The following CCDC13 variants were observed in gnomAD, a reference collection of about 807,000 sequenced individuals.
CCDC13 encodes coiled-coil domain-containing protein 13.
Under a neutral mutation model 87.3 loss-of-function variants are expected in CCDC13, and 70 were observed. The observed-to-expected ratio is 0.80, with a 90% CI of 0.66 to 0.98. CCDC13 has a LOEUF of 0.98. Ranked by LOEUF, CCDC13 falls within the 50% of genes least tolerant of loss-of-function variation. The pLI is 0.00. For missense variants in CCDC13, 842 were observed against 892.0 expected (o/e 0.94, Z 0.71); for synonymous variants, 317 against 360.3 (o/e 0.88, Z 1.36).
In CCDC13 at chr3:42,730,601, G is replaced by A. The variant is rs1415674377; in HGVS notation, c.1596-12C>T. 3 of 1,613,554 alleles carry A rather than the reference G, an allele frequency of 1.9e-6. No homozygotes were observed. In the Admixed American group the frequency reaches 5.0e-5, roughly 27 times the overall value. On this transcript the variant is annotated splice_polypyrimidine_tract_variant and intron_variant, in intron 12 of 15. Coordinates refer to ENST00000310232, the MANE Select transcript of CCDC13 (RefSeq NM_144719.4). ...GGGAGTCCGAGAACCTGGGACCAGG[G>A]TGGAGGGCAGAGGGCAGAGGTCATC... is the stretch of plus-strand genomic sequence containing the variant.
At chr3:42,745,878 T>G in intron 7 of CCDC13, 45 bp downstream of exon 7, 5 of 1,524,992 alleles carry the variant, frequency 3.3e-6, no homozygotes, top group Non-Finnish European at 4.5e-6. Flanking sequence ...CTGGGGTGTT[T>G]TAAATCCTTT....
intron 5 of CCDC13, among the ~76,000 whole-genome samples, chr3:42,750,386 A>G (rs1013688775): frequency 9.9e-5 from 15 of 152,194 alleles, no homozygotes; most frequent in Admixed American, 9.2e-4. Flanking sequence ...CCCTGTCCAC[A>G]TCCTGCCTTC....
At chr3:42,770,029 A>T (rs7614158) in intron 1 of CCDC13, among the ~76,000 whole-genome samples, 3 of 152,106 alleles carry the variant, frequency 2.0e-5, no homozygotes, top group East Asian at 1.9e-4. Flanking sequence ...TCCCATCAAA[A>T]GCCCAAGGGC....
At chr3:42,751,760 TTC>T (rs1302933751) in intron 5 of CCDC13, among the ~76,000 whole-genome samples, 174 bp downstream of exon 5, 2 of 152,246 alleles carry the variant, frequency 1.3e-5, no homozygotes, top group Admixed American at 1.3e-4. Context: ...CTCGGTACTG[TTC>T]TCTGATGTCT....
intron 13 of CCDC13, among the ~76,000 whole-genome samples, chr3:42,728,687 G>C (rs929675017): frequency 1.3e-5 from 2 of 152,042 alleles, no homozygotes; most frequent in Non-Finnish European, 2.9e-5. Flanking sequence ...AGGTACCTGG[G>C]TTCCCTTTTC....
chr3:42,704,389 GCTGGTGTGACCCACTT>G (rs1448820630), downstream of CCDC13: 1 of 152,290 alleles, frequency 6.6e-6, no homozygotes, highest in Non-Finnish European at 1.5e-5. Context: ...TTGACCCTGA[GCTGGTGTGACCCACTT>G]CTTAGGGCCT....
chr3:42,772,267 C>CAAAAAAAAAAAAAAAAAAAAAAGGA (rs1559669673), intron 1 of CCDC13, among the ~76,000 whole-genome samples: 1 of 113,872 alleles, frequency 8.8e-6, no homozygotes. Context: ...GAGACTCCGT[C>CAAAAAAAAAAAAAAAAAAAAAAGGA]AAAAAAAAAA....
intron 1 of CCDC13, among the ~76,000 whole-genome samples, chr3:42,767,070 G>A (rs1198196369): frequency 1.3e-5 from 2 of 151,462 alleles, no homozygotes; most frequent in Non-Finnish European, 2.9e-5. Context: ...AATAAGCCAA[G>A]AAAAGGAAAT....
intron 2 of CCDC13, 78 bp downstream of exon 2, chr3:42,758,047 C>T (rs1163885324): frequency 3.2e-5 from 39 of 1,233,398 alleles, no homozygotes; most frequent in African/African-American, 3.1e-5. Context: ...ACAAGTTTTG[C>T]TATAGCTCCG....
chr3:42,720,311 T>TC (rs1559639011), intron 13 of CCDC13, among the ~76,000 whole-genome samples: 1 of 152,234 alleles, frequency 6.6e-6, no homozygotes, highest in Non-Finnish European at 1.5e-5. Flanking sequence ...TTGTTAGGCC[T>TC]CCTAAATGCC....
chr3:42,746,051 TG>T, intron 6 of CCDC13, 24 bp from the exon 7 acceptor site: 1 of 1,585,450 alleles, frequency 6.3e-7, no homozygotes, highest in South Asian at 1.1e-5. Flanking sequence ...GGGCCTTCAA[TG>T]TGGCCAAAAG....
intron 2 of CCDC13, 111 bp from the exon 3 acceptor site, chr3:42,757,325 G>T: frequency 1.0e-6 from 1 of 1,000,940 alleles, no homozygotes; most frequent in Non-Finnish European, 1.5e-6. Context: ...CAGACACACT[G>T]ACGTGAAAGA....
chr3:42,714,580 T>C (rs540505220), intron 13 of CCDC13, among the ~76,000 whole-genome samples: 27 of 152,356 alleles, frequency 1.8e-4, no homozygotes, highest in Admixed American at 1.6e-3. Flanking sequence ...ACTTCTATGA[T>C]ACTAAAGGTT....
intron 13 of CCDC13, among the ~76,000 whole-genome samples, chr3:42,721,499 C>T (rs887537342): frequency 2.6e-5 from 4 of 152,162 alleles, no homozygotes; most frequent in Admixed American, 1.3e-4. Flanking sequence ...TTGTTTCAAA[C>T]GTTGCTGATC....
intron 9 of CCDC13, 94 bp from the exon 10 acceptor site, chr3:42,736,007 C>T: frequency 8.5e-7 from 1 of 1,171,960 alleles, no homozygotes; most frequent in Admixed American, 2.0e-5. Context: ...CCAAAGCAGG[C>T]TGCAGGAACC....
chr3:42,712,001 C>A (rs1283574465), intron 14 of CCDC13, among the ~76,000 whole-genome samples: 2 of 152,192 alleles, frequency 1.3e-5, no homozygotes, highest in Non-Finnish European at 2.9e-5. Context: ...CCAAGAGGGT[C>A]AGCAAGGCTA....
At chr3:42,735,291 G>A (rs1305328840) in intron 10 of CCDC13, among the ~76,000 whole-genome samples, 1 of 151,872 alleles carries the variant, frequency 6.6e-6, no homozygotes, top group Non-Finnish European at 1.5e-5. Context: ...GGGGAGGGGT[G>A]AAGAGAAGAT....
In CCDC13 at chr3:42,708,254, A is replaced by C. The variant is rs1698221618; in HGVS notation, c.*726T>G. The C allele has an allele frequency of 6.6e-6, 1 of 152,118 alleles. No individual in the cohort carries two copies. 9.4% of individuals were successfully genotyped at this position (152,118 alleles called of 1,614,324 possible). A position where few individuals can be genotyped will look rare whatever the true frequency, so the allele number is the denominator to read the frequency against. ...TTTTGGGGTCAGGCAGACTGCAGTT[A>C]AATATTAGCTCAGCTTCTTTCTGTG... On this transcript the variant is annotated 3_prime_UTR_variant, in exon 16 of 16. Transcript: ENST00000310232.
At chr3:42,771,066 G>A (rs990237893) in intron 1 of CCDC13, 7 of 152,186 alleles carry the variant, frequency 4.6e-5, no homozygotes, top group Non-Finnish European at 8.8e-5. Flanking sequence ...AAAACAAGAT[G>A]TACTTCAATA....
Sources: gnomAD v4.1 joint callset for allele counts (sites outside exome capture counted in the v4.1 genomes callset) on GRCh38, gnomAD v4.1.1 for gene constraint, MANE v1.5 for transcripts, NCBI Gene and HGNC (gene_info 2026-07-23, HGNC 2026-07-21) for gene names.